Variants in TEC observed in about 807,000 individuals in gnomAD.
The protein encoded by TEC is tyrosine-protein kinase Tec.
In TEC, 72 loss-of-function variants were observed where a neutral mutation model predicts 93.0. The observed-to-expected ratio is 0.77, with a 90% CI of 0.64 to 0.94. The LOEUF (loss-of-function observed/expected upper bound fraction) is 0.94, where lower values mean the gene tolerates loss of function less well. Among genes scored for constraint, TEC ranks in the 40% least tolerant of loss-of-function variants. The probability of loss-of-function intolerance (pLI) is 0.00; values close to 1 mark genes in which losing one functional copy is unlikely to be tolerated. For missense variants in TEC, 630 were observed against 757.9 expected (o/e 0.83, Z 1.98); for synonymous variants, 249 against 247.7 (o/e 1.01, Z -0.05).
intron 1 of TEC, among the ~76,000 whole-genome samples, chr4:48,269,173 C>G (rs1215457208): frequency 5.3e-5 from 8 of 152,168 alleles, no homozygotes; most frequent in African/African-American, 1.9e-4. Context: ...TGCGGAACAT[C>G]TTGGCCGATA....
intron 2 of TEC, among the ~76,000 whole-genome samples, chr4:48,215,276 G>A (rs1311710150): frequency 6.6e-6 from 1 of 152,232 alleles, no homozygotes; most frequent in African/African-American, 2.4e-5. Context: ...GGAGGCTGAG[G>A]TGGGTGGATC....
intron 2 of TEC, among the ~76,000 whole-genome samples, chr4:48,214,009 T>C (rs1443172546): frequency 5.3e-5 from 8 of 152,220 alleles, no homozygotes; most frequent in African/African-American, 1.9e-4. Context: ...AACAAAATTA[T>C]GTGGGGAGTA....
intron 4 of TEC, among the ~76,000 whole-genome samples, chr4:48,170,741 G>T (rs958821321): frequency 2.0e-5 from 3 of 152,106 alleles, no homozygotes; most frequent in African/African-American, 7.2e-5. Flanking sequence ...GACTACATGG[G>T]CACTTTGTTA....
At chr4:48,207,878 T>C (rs1722768176) in intron 2 of TEC, among the ~76,000 whole-genome samples, 1 of 152,108 alleles carries the variant, frequency 6.6e-6, no homozygotes, top group South Asian at 2.1e-4. Flanking sequence ...ACTAAAATGA[T>C]AGGAAAAGGA....
In TEC at chr4:48,176,177, T is replaced by A; in HGVS notation, c.148A>T (p.Arg50Ter). 1 of 1,609,910 alleles carries A rather than the reference T, an allele frequency of 6.2e-7. No homozygotes were observed. The highest frequency in any genetic ancestry group is 8.5e-7 in the Non-Finnish European group (1 of 1,176,724). The change falls in exon 3 of 18, where the codon AGA becomes TGA. Residue 50 changes from arginine (R) to a stop codon, truncating the protein, a stop_gained. Coordinates refer to ENST00000381501, the MANE Select transcript of TEC (RefSeq NM_003215.3). LOFTEE classifies it high-confidence loss of function. ...YYEGRAEKKY[R>*]KGFIDVSKIK... ...TTTGAAACATCAATAAACCCCTTTC[T>A]GTATTTCTTCTGTTAAAAGAAAAAA...
At chr4:48,199,172 C>T (rs1031018991) in intron 2 of TEC, among the ~76,000 whole-genome samples, 1 of 152,170 alleles carries the variant, frequency 6.6e-6, no homozygotes, top group Non-Finnish European at 1.5e-5. Context: ...GGCTTCAAAG[C>T]CCACAGCATG....
Position 48,233,816 on chromosome 4 carries a change from CA to C in TEC, c.-45-5158del, listed in dbSNP as rs34535018. Among the ~76,000 whole-genome samples, 312 of 136,284 alleles carry C rather than the reference CA, an allele frequency of 2.3e-3. 2 individuals carry two copies. Among genetic ancestry groups the C allele is most frequent in the African/African-American group, 4.5e-3 (165 of 37,044 alleles). The allele number at this position is 136,284 out of a possible 152,430, so 89.4% of individuals were successfully genotyped here. On this transcript the variant is annotated intron_variant, in intron 1 of 17. Transcript: ENST00000381501. ...AGAACATAAAATTGAGAAACTCTCC[CA>C]AAAAAAAAAAAAATTAAGACGCAGA...
chr4:48,179,928 A>G (rs1721517693), intron 2 of TEC, among the ~76,000 whole-genome samples: 1 of 152,220 alleles, frequency 6.6e-6, no homozygotes. Context: ...GCATGTATTT[A>G]GTAAATAACT....
chr4:48,171,617 ACTT>A (rs1341414780), intron 3 of TEC, among the ~76,000 whole-genome samples, 168 bp from the exon 4 acceptor site: 1 of 152,214 alleles, frequency 6.6e-6, no homozygotes, highest in African/African-American at 2.4e-5. Context: ...AAGCACAAGT[ACTT>A]CTTCATTTCT....
At chr4:48,256,131 G>T (rs1050375034) in intron 1 of TEC, among the ~76,000 whole-genome samples, 1 of 152,056 alleles carries the variant, frequency 6.6e-6, no homozygotes, top group East Asian at 1.9e-4. Context: ...CAGTATTTCT[G>T]GGGGAGGAGA....
At chr4:48,196,174 T>A (rs1488305199) in intron 2 of TEC, among the ~76,000 whole-genome samples, 1 of 152,182 alleles carries the variant, frequency 6.6e-6, no homozygotes, top group Non-Finnish European at 1.5e-5. Flanking sequence ...GAGACTGGCA[T>A]GCAAGTTAGT....
intron 2 of TEC, among the ~76,000 whole-genome samples, chr4:48,197,818 C>T (rs1722351187): frequency 6.6e-6 from 1 of 152,210 alleles, no homozygotes; most frequent in Non-Finnish European, 1.5e-5. Context: ...CCACACCACA[C>T]CCAAATGGCT....
intron 2 of TEC, among the ~76,000 whole-genome samples, chr4:48,182,524 T>C (rs1721633015): frequency 7.4e-6 from 1 of 135,114 alleles, no homozygotes; most frequent in African/African-American, 2.9e-5. Context: ...CAAAGGACCA[T>C]GGGCAATACT....
At chr4:48,166,307 C>T (rs992947973) in intron 7 of TEC, among the ~76,000 whole-genome samples, 2 of 152,156 alleles carry the variant, frequency 1.3e-5, no homozygotes, top group African/African-American at 4.8e-5. Flanking sequence ...AAATCCAAAC[C>T]GTGCCTTTCT....
chr4:48,151,868 G>A (rs970675859), intron 9 of TEC, among the ~76,000 whole-genome samples: 1 of 152,186 alleles, frequency 6.6e-6, no homozygotes, highest in African/African-American at 2.4e-5. Flanking sequence ...CAATGCTAAA[G>A]CACTAAAGGT....
In TEC at chr4:48,136,091, T is replaced by A. The variant is rs1719401848; in HGVS notation, c.*1325A>T. On this transcript the variant is annotated 3_prime_UTR_variant, in exon 18 of 18. Transcript: ENST00000381501. The stretch of plus-strand genomic sequence containing the variant: ...AACGTGTTGGGCAATAAACGGTCTC[T>A]GGATGACTGATACAGTTTCTTTTCG... 1 of 152,248 alleles carries A rather than the reference T, an allele frequency of 6.6e-6. No homozygotes were observed. The highest frequency in any genetic ancestry group is 2.4e-5 in the African/African-American group (1 of 41,474). 9.4% of individuals were successfully genotyped at this position (152,248 alleles called of 1,614,324 possible).
At chr4:48,228,742 C>T in intron 1 of TEC, 83 bp from the exon 2 acceptor site, 2 of 1,201,724 alleles carry the variant, frequency 1.7e-6, no homozygotes, top group Non-Finnish European at 2.3e-6. Flanking sequence ...AAATCAGCTT[C>T]ACCCTCACCC....
chr4:48,213,795 A>AT (rs1005697515), intron 2 of TEC, among the ~76,000 whole-genome samples: 5 of 152,106 alleles, frequency 3.3e-5, no homozygotes, highest in East Asian at 1.9e-4. Flanking sequence ...CTTGTTTTAG[A>AT]TTTTTTTTAA....
chr4:48,247,920 T>A (rs1724102124), intron 1 of TEC, among the ~76,000 whole-genome samples: 1 of 152,230 alleles, frequency 6.6e-6, no homozygotes, highest in Non-Finnish European at 1.5e-5. Context: ...CATGTAAATA[T>A]ACAGACAAGA....
Sources: gnomAD v4.1 joint callset for allele counts (sites outside exome capture counted in the v4.1 genomes callset) on GRCh38, gnomAD v4.1.1 for gene constraint, MANE v1.5 for transcripts, NCBI Gene and HGNC (gene_info 2026-07-23, HGNC 2026-07-21) for gene names.